Variants in PLCB1 observed in about 807,000 individuals in gnomAD.
PLCB1 encodes the protein 1-phosphatidylinositol 4,5-bisphosphate phosphodiesterase beta-1.
Under a neutral mutation model 161.8 loss-of-function variants are expected in PLCB1, and 46 were observed. That is an observed-to-expected ratio of 0.28 (90% confidence interval 0.22 to 0.36). The LOEUF (loss-of-function observed/expected upper bound fraction) is 0.36, where lower values mean the gene tolerates loss of function less well. Ranked by LOEUF, PLCB1 falls within the 10% of genes least tolerant of loss-of-function variation. PLCB1 has a pLI of 1.00. For synonymous variants in PLCB1, 517 were observed against 503.7 expected (o/e 1.03, Z -0.35); for missense variants, 1,016 against 1,472.5 (o/e 0.69, Z 5.07).
rs117011371 is a variant in PLCB1 at position 8,776,563 on chromosome 20, G to C, written c.3111+1844G>C. ...CAATTCACTCATTTTAAAGTGTGCA[G>C]TTCAATGGTTTTTGTATATTCATAG... On this transcript the variant is annotated intron_variant, in intron 27 of 31. Transcript: ENST00000338037. 1.4e-4 allele frequency among the ~76,000 whole-genome samples: 21 copies of C among 152,272 alleles called. 1 individual carries two copies. The East Asian group carries it at 4.1e-3, about 29-fold the overall frequency.
intron 2 of PLCB1, among the ~76,000 whole-genome samples, chr20:8,252,198 A>C (rs1359576375): frequency 6.6e-6 from 1 of 151,960 alleles, no homozygotes. Flanking sequence ...CCAAACAAGC[A>C]TGGAAGTCCT....
chr20:8,429,908 A>T (rs1185324405), intron 3 of PLCB1, among the ~76,000 whole-genome samples: 2 of 151,960 alleles, frequency 1.3e-5, no homozygotes, highest in African/African-American at 4.8e-5. Context: ...ATTAACTTGA[A>T]CCTGCCTAGT....
intron 3 of PLCB1, among the ~76,000 whole-genome samples, chr20:8,545,113 A>C (rs760768605): frequency 1.3e-5 from 2 of 152,218 alleles, no homozygotes; most frequent in Non-Finnish European, 2.9e-5. Context: ...GACAAAAATT[A>C]ACGCAATGGA....
At chr20:8,147,391 CA>C (rs998887464) in intron 1 of PLCB1, among the ~76,000 whole-genome samples, 17 of 152,162 alleles carry the variant, frequency 1.1e-4, no homozygotes, top group African/African-American at 4.1e-4. Context: ...ATTCTACAGT[CA>C]AAGGTCCCAA....
intron 31 of PLCB1, among the ~76,000 whole-genome samples, chr20:8,867,716 G>C (rs999187235): frequency 6.6e-6 from 1 of 151,994 alleles, no homozygotes; most frequent in African/African-American, 2.4e-5. Context: ...TTGGACTCTT[G>C]GTATATGTTA....
intron 3 of PLCB1, among the ~76,000 whole-genome samples, chr20:8,584,392 G>C (rs1206408588): frequency 6.6e-6 from 1 of 151,784 alleles, no homozygotes; most frequent in East Asian, 1.9e-4. Flanking sequence ...TTACTGCTTA[G>C]TAAGGTATAG....
intron 3 of PLCB1, among the ~76,000 whole-genome samples, chr20:8,387,977 T>TTAAAAAAA (rs1555802978): frequency 1.6e-5 from 2 of 126,800 alleles, no homozygotes; most frequent in African/African-American, 6.0e-5. Flanking sequence ...CCACTTTTTT[T>TTAAAAAAA]AAAAAAAAAA....
At chr20:8,141,127 T>A (rs774021574) in intron 1 of PLCB1, among the ~76,000 whole-genome samples, 55 of 152,190 alleles carry the variant, frequency 3.6e-4, no homozygotes, top group Non-Finnish European at 5.9e-5. Flanking sequence ...TCTAAATGAA[T>A]ACAAGTTTGA....
chr20:8,684,872 A>G, intron 9 of PLCB1, 60 bp from the exon 10 acceptor site: 1 of 1,248,138 alleles, frequency 8.0e-7, no homozygotes, highest in Non-Finnish European at 1.1e-6. Context: ...AAAAAAAAAG[A>G]GGCGACTTGA....
At chr20:8,566,575 A>C (rs1202560333) in intron 3 of PLCB1, among the ~76,000 whole-genome samples, 1 of 152,172 alleles carries the variant, frequency 6.6e-6, no homozygotes, top group African/African-American at 2.4e-5. Context: ...TAGATTTTCC[A>C]TGGAATATGT....
intron 3 of PLCB1, among the ~76,000 whole-genome samples, chr20:8,462,684 A>G (rs1251991967): frequency 6.6e-6 from 1 of 152,144 alleles, no homozygotes; most frequent in Non-Finnish European, 1.5e-5. Context: ...CTTGTTAACA[A>G]TCTTCTGAGA....
intron 25 of PLCB1, among the ~76,000 whole-genome samples, chr20:8,764,038 A>C (rs1982184013): frequency 2.0e-5 from 3 of 152,076 alleles, no homozygotes. Flanking sequence ...ATGTTGGTGC[A>C]TGCTTGTAAT....
chr20:8,366,184 G>A (rs2122320502), intron 2 of PLCB1, among the ~76,000 whole-genome samples: 1 of 152,038 alleles, frequency 6.6e-6, no homozygotes, highest in East Asian at 1.9e-4. Context: ...ACCTCAGTTT[G>A]TTTAAGAGTT....
At chr20:8,163,067 G>GT (rs2051641450) in intron 2 of PLCB1, among the ~76,000 whole-genome samples, 1 of 152,200 alleles carries the variant, frequency 6.6e-6, no homozygotes, top group South Asian at 2.1e-4. Flanking sequence ...TTTTCCAACA[G>GT]TTGACTGCAA....
intron 31 of PLCB1, among the ~76,000 whole-genome samples, chr20:8,851,253 C>T (rs1400270094): frequency 6.6e-6 from 1 of 152,168 alleles, no homozygotes; most frequent in Non-Finnish European, 1.5e-5. Flanking sequence ...ACTCACATAC[C>T]ACCACTGACT....
chr20:8,195,345 G>A (rs1235602625), intron 2 of PLCB1, among the ~76,000 whole-genome samples: 1 of 152,008 alleles, frequency 6.6e-6, no homozygotes, highest in East Asian at 1.9e-4. Context: ...GGGCCACTGA[G>A]GGGTGATTAG....
chr20:8,667,908 C>A (rs1341471528), intron 9 of PLCB1, among the ~76,000 whole-genome samples: 1 of 152,054 alleles, frequency 6.6e-6, no homozygotes, highest in Non-Finnish European at 1.5e-5. Context: ...ACAGCATTGA[C>A]AATTGTTGGC....
chr20:8,408,373 T>G (rs1978879416), intron 3 of PLCB1, among the ~76,000 whole-genome samples: 1 of 151,682 alleles, frequency 6.6e-6, no homozygotes, highest in Admixed American at 6.6e-5. Context: ...GGATCACACC[T>G]GTGAATAGCC....
intron 3 of PLCB1, among the ~76,000 whole-genome samples, chr20:8,479,988 A>G (rs937061055): frequency 6.6e-5 from 10 of 152,278 alleles, no homozygotes; most frequent in Admixed American, 5.9e-4. Context: ...ATGGTGAACT[A>G]TCTAGGTATC....
Sources: gnomAD v4.1 joint callset for allele counts (sites outside exome capture counted in the v4.1 genomes callset) on GRCh38, gnomAD v4.1.1 for gene constraint, MANE v1.5 for transcripts, NCBI Gene and HGNC (gene_info 2026-07-23, HGNC 2026-07-21) for gene names.